The following GPR89B variants were observed in gnomAD, a reference collection of about 807,000 sequenced individuals.
The protein encoded by GPR89B is G protein-coupled receptor 89B.
GPR89B carries 25 observed loss-of-function variants against 52.4 expected under a neutral mutation model. That is an observed-to-expected ratio of 0.48 (90% CI 0.35 to 0.67). GPR89B has a LOEUF of 0.67. Ranked by LOEUF, GPR89B falls within the 30% of genes least tolerant of loss-of-function variation. The pLI, the probability that GPR89B is intolerant of heterozygous loss-of-function variation, is 0.01. For missense variants in GPR89B, 146 were observed against 450.2 expected, an observed-to-expected ratio of 0.32 and a Z score of 6.11; for synonymous variants, 52 against 151.2, an observed-to-expected ratio of 0.34 and a Z score of 4.81.
chr1:147,932,649 C>T (rs1571215012), intron 1 of GPR89B, among the ~76,000 whole-genome samples: 1 of 152,300 alleles, frequency 6.6e-6, no homozygotes, highest in Non-Finnish European at 1.5e-5. Flanking sequence ...AAGGTATGAT[C>T]TCCTACTGTG....
intron 1 of GPR89B, among the ~76,000 whole-genome samples, chr1:147,935,761 G>A (rs1553247760): frequency 1.3e-5 from 2 of 151,970 alleles, no homozygotes; most frequent in African/African-American, 4.8e-5. Flanking sequence ...TTGAGACAGG[G>A]TCTCACTCTG....
intron 2 of GPR89B, among the ~76,000 whole-genome samples, chr1:147,937,643 C>T (rs1283077852): frequency 6.6e-6 from 1 of 152,176 alleles, no homozygotes. Flanking sequence ...ATTTCTCCTA[C>T]TCGCTTTCTG....
intron 7 of GPR89B, among the ~76,000 whole-genome samples, chr1:147,956,737 T>C (rs1656141131): frequency 6.7e-6 from 1 of 150,322 alleles, no homozygotes; most frequent in East Asian, 1.9e-4. Context: ...TATTGTCTAT[T>C]GTGATTTTTT....
At chr1:147,965,610 G>T (rs1211049105) in intron 7 of GPR89B, among the ~76,000 whole-genome samples, 2 of 152,070 alleles carry the variant, frequency 1.3e-5, no homozygotes, top group African/African-American at 4.8e-5. Flanking sequence ...TCCACAGACT[G>T]AGAGGACCAG....
chr1:147,949,567 C>T (rs587743471), intron 5 of GPR89B, among the ~76,000 whole-genome samples: 20 of 129,284 alleles, frequency 1.5e-4, no homozygotes, highest in East Asian at 7.1e-4. Context: ...GCTGGCCGGG[C>T]GGGGGGCTGA....
chr1:148,022,169 G>A, the GPR89B span, among the ~76,000 whole-genome samples: 2 of 151,700 alleles, frequency 1.3e-5, no homozygotes, highest in African/African-American at 2.4e-5. Context: ...TACAGTTCCC[G>A]TAAGCCATGT....
the GPR89B span, among the ~76,000 whole-genome samples, chr1:148,015,136 G>A: frequency 3.3e-5 from 5 of 150,504 alleles, no homozygotes; most frequent in Admixed American, 3.3e-4. Flanking sequence ...TCTACTGAGC[G>A]TTTCTTGCAT....
At chr1:148,020,877 G>A in the GPR89B span, among the ~76,000 whole-genome samples, 1 of 151,410 alleles carries the variant, frequency 6.6e-6, no homozygotes, top group Admixed American at 6.6e-5. Context: ...CAGTAGAGAC[G>A]GGGTTTCACC....
the GPR89B span, chr1:148,009,581 C>G: frequency 1.7e-5 from 25 of 1,503,980 alleles, no homozygotes; most frequent in East Asian, 5.7e-4. Context: ...TCTTTCTGAC[C>G]AGATCCACAA....
intron 5 of GPR89B, among the ~76,000 whole-genome samples, chr1:147,946,061 T>A (rs1372410537): frequency 2.6e-5 from 4 of 151,390 alleles, no homozygotes; most frequent in Non-Finnish European, 3.0e-5. Context: ...GCCTGGACAA[T>A]CCTTCACCAA....
At chr1:148,017,313 A>T in the GPR89B span, among the ~76,000 whole-genome samples, 5 of 150,952 alleles carry the variant, frequency 3.3e-5, no homozygotes, top group African/African-American at 1.2e-4. Flanking sequence ...AAGTGCTGGG[A>T]TTACAGGCGT....
intron 7 of GPR89B, among the ~76,000 whole-genome samples, chr1:147,965,686 C>T (rs1255591539): frequency 2.0e-5 from 3 of 152,010 alleles, no homozygotes; most frequent in Non-Finnish European, 4.4e-5. Flanking sequence ...GGGTATTGGA[C>T]TTAGAGACTG....
chr1:147,996,999 C>T (rs1467557610), downstream of GPR89B, among the ~76,000 whole-genome samples: 54 of 151,726 alleles, frequency 3.6e-4, no homozygotes, highest in Non-Finnish European at 5.6e-4. Context: ...GTATAGGATG[C>T]GGTACAAGGA....
chr1:147,999,143 G>T, the GPR89B span, among the ~76,000 whole-genome samples: 1 of 150,968 alleles, frequency 6.6e-6, no homozygotes, highest in Non-Finnish European at 1.5e-5. Flanking sequence ...ATCAGGAGGG[G>T]TCAGAATCCC....
At chr1:147,947,804 A>G (rs1203706558) in intron 5 of GPR89B, among the ~76,000 whole-genome samples, 1 of 151,890 alleles carries the variant, frequency 6.6e-6, no homozygotes, top group Non-Finnish European at 1.5e-5. Flanking sequence ...AACACCTCAT[A>G]TGTGCCAAGC....
chr1:147,988,762 G>T (rs1424466630), intron 12 of GPR89B, among the ~76,000 whole-genome samples: 1 of 151,442 alleles, frequency 6.6e-6, no homozygotes, highest in Non-Finnish European at 1.5e-5. Context: ...TACTTGGGAG[G>T]CTGAGTTAGG....
At chr1:148,009,388 C>T in the GPR89B span, 443 of 1,612,038 alleles carry the variant, frequency 2.7e-4, 2 homozygotes, top group East Asian at 4.4e-3. Flanking sequence ...CCCTCCTTCA[C>T]GAGATAGCAG....
At chr1:147,994,391 A>G, downstream of GPR89B, 2 of 1,255,230 alleles carry the variant, frequency 1.6e-6, no homozygotes, top group African/African-American at 1.5e-5. Flanking sequence ...CAAATGGTAG[A>G]GTAATGAAAG....
the GPR89B span, among the ~76,000 whole-genome samples, chr1:147,999,983 C>T: frequency 6.6e-6 from 1 of 152,280 alleles, no homozygotes; most frequent in African/African-American, 2.4e-5. Context: ...AGATGGTCAT[C>T]TCTAGAAGCC....
Sources: gnomAD v4.1 joint callset for allele counts (sites outside exome capture counted in the v4.1 genomes callset) on GRCh38, gnomAD v4.1.1 for gene constraint, MANE v1.5 for transcripts, NCBI Gene and HGNC (gene_info 2026-07-23, HGNC 2026-07-21) for gene names.